The following BCL6 variants were observed in gnomAD, a reference collection of about 807,000 sequenced individuals.
BCL6 encodes the protein BCL6 transcription repressor, also known as B-cell lymphoma 6 protein.
In BCL6, 7 loss-of-function variants were observed where a neutral mutation model predicts 59.5. The observed-to-expected ratio is 0.12, with a 90% CI of 0.07 to 0.22. The LOEUF (loss-of-function observed/expected upper bound fraction) is 0.22, where lower values mean the gene tolerates loss of function less well. Among genes scored for constraint, BCL6 ranks in the 10% least tolerant of loss-of-function variants. The probability of loss-of-function intolerance (pLI) is 1.00; values close to 1 mark genes in which losing one functional copy is unlikely to be tolerated. For synonymous variants in BCL6, 339 were observed against 349.7 expected, an observed-to-expected ratio of 0.97 and a Z score of 0.34; for missense variants, 685 against 939.4, an observed-to-expected ratio of 0.73 and a Z score of 3.54.
At chr3:187,727,324 T>C (rs1718761744) in intron 6 of BCL6, among the ~76,000 whole-genome samples, 1 of 152,220 alleles carries the variant, frequency 6.6e-6, no homozygotes, top group South Asian at 2.1e-4. Flanking sequence ...TATCTCTGTC[T>C]TCAAAGTCAG....
chr3:187,722,176 G>A lies in BCL6; in HGVS notation c.*282C>T, dbSNP rs1718452847. On this transcript the variant is annotated 3_prime_UTR_variant, in exon 10 of 10. Coordinates refer to ENST00000406870, the MANE Select transcript of BCL6 (RefSeq NM_001706.5). Reference sequence around the variant, plus strand: ...GAACTTTTGCATACTCCCCTGCTTTGACATATAAAATGATTTTGCTTTTTG... The same window carrying A: ...GAACTTTTGCATACTCCCCTGCTTTAACATATAAAATGATTTTGCTTTTTG... 1 of 326,746 alleles carries A rather than the reference G, an allele frequency of 3.1e-6. No individual in the cohort carries two copies. The highest frequency in any genetic ancestry group is 5.6e-6 in the Non-Finnish European group (1 of 179,566). 20.2% of individuals were successfully genotyped at this position (326,746 alleles called of 1,614,324 possible).
At position 187,722,304 on chromosome 3, in the gene BCL6, G is replaced by GGCCCGGGCCC; in HGVS notation, c.*153_*154insGGGCCCGGGC. 1 of 309,312 alleles carries GGCCCGGGCCC rather than the reference G, an allele frequency of 3.2e-6. No homozygotes were observed. Among genetic ancestry groups the GGCCCGGGCCC allele is most frequent in the Non-Finnish European group, 5.9e-6 (1 of 169,636 alleles). The allele number at this position is 309,312 out of a possible 1,614,324, so 19.2% of individuals were successfully genotyped here. A position where few individuals can be genotyped will look rare whatever the true frequency, so the allele number is the denominator to read the frequency against. On this transcript the variant is annotated 3_prime_UTR_variant, in exon 10 of 10. Coordinates refer to ENST00000406870, the MANE Select transcript of BCL6 (RefSeq NM_001706.5). ...GCTGCTGCGGCTCCCAGTCCCCCAG[G>GGCCCGGGCCC]CCCCGACCCCCACCACCCCCAACCC... is the stretch of plus-strand genomic sequence containing the variant.
chr3:187,723,003 T>C (rs1560145859), intron 9 of BCL6, among the ~76,000 whole-genome samples: 2 of 152,248 alleles, frequency 1.3e-5, no homozygotes, highest in African/African-American at 4.8e-5. Flanking sequence ...CAGCCCTCCG[T>C]GTGCATGGAT....
Position 187,745,438 on chromosome 3 carries a change from T to G in BCL6, c.-78A>C. The G allele has an allele frequency of 2.5e-6, 1 of 399,702 alleles. No individual in the cohort carries two copies. The allele number at this position is 399,702 out of a possible 1,614,324, so 24.8% of individuals were successfully genotyped here. A position where few individuals can be genotyped will look rare whatever the true frequency, so the allele number is the denominator to read the frequency against. On this transcript the variant is annotated 5_prime_UTR_variant, in exon 1 of 10. Coordinates refer to ENST00000406870, the MANE Select transcript of BCL6 (RefSeq NM_001706.5). ...GTGTCCGGCCTTTCCTAGAAACTTC[T>G]TGCATCACCACTTCTAAGAACCCCA...
chr3:187,730,394 A>C (rs1437291863), intron 4 of BCL6, among the ~76,000 whole-genome samples: 5 of 152,266 alleles, frequency 3.3e-5, no homozygotes. Flanking sequence ...CCCATGCAAA[A>C]TCCTGAAAGG....
chr3:187,744,906 G>A (rs745980145), intron 1 of BCL6, among the ~76,000 whole-genome samples: 6 of 152,220 alleles, frequency 3.9e-5, no homozygotes, highest in South Asian at 4.2e-4. Context: ...GCAGCAGAAA[G>A]AGCGAGAGCG....
intron 7 of BCL6, 89 bp downstream of exon 7, chr3:187,726,642 C>T: frequency 3.9e-6 from 6 of 1,538,022 alleles, no homozygotes; most frequent in Non-Finnish European, 4.4e-6. Context: ...CACCAGGTCT[C>T]CAGGCCCCAC....
At position 187,733,506 on chromosome 3, in the gene BCL6, C is replaced by A. The variant is rs903031351; in HGVS notation, c.161+27G>T. The A allele has an allele frequency of 5.6e-6, 9 of 1,607,950 alleles. No individual in the cohort carries two copies. The African/African-American group carries it at 1.1e-4, about 19-fold the overall frequency. On this transcript the variant is annotated intron_variant, in intron 3 of 9. Transcript: ENST00000406870. Reference sequence around the variant, plus strand: ...AGCACCATCACCCCACTTTGACTTACCCACCCTTTCCTTTCAGATCCCTCA... The same window carrying A: ...AGCACCATCACCCCACTTTGACTTAACCACCCTTTCCTTTCAGATCCCTCA...
intron 1 of BCL6, chr3:187,737,556 GC>G (rs1289310342): frequency 6.6e-6 from 1 of 152,442 alleles, no homozygotes; most frequent in Non-Finnish European, 1.5e-5. Context: ...GCCGGGGCAA[GC>G]CTAGGCAGAC....
At chr3:187,733,183 A>G (rs1719128571) in intron 3 of BCL6, among the ~76,000 whole-genome samples, 1 of 152,202 alleles carries the variant, frequency 6.6e-6, no homozygotes, top group African/African-American at 2.4e-5. Flanking sequence ...TAACTTGCTT[A>G]AGCTACTTAA....
At chr3:187,733,442 G>T (rs1390092189) in intron 3 of BCL6, 91 bp downstream of exon 3, 2 of 1,434,628 alleles carry the variant, frequency 1.4e-6, no homozygotes, top group African/African-American at 1.4e-5. Flanking sequence ...CATCCCAGAT[G>T]CAGTAAAAGG....
intron 7 of BCL6, among the ~76,000 whole-genome samples, chr3:187,726,004 C>T (rs1408455033): frequency 1.3e-5 from 2 of 152,228 alleles, no homozygotes; most frequent in Admixed American, 6.5e-5. Context: ...GCCTCAGTTT[C>T]CCTCTCTGGA....
chr3:187,742,284 G>A (rs1711634954), intron 1 of BCL6, among the ~76,000 whole-genome samples: 2 of 152,140 alleles, frequency 1.3e-5, no homozygotes, highest in Admixed American at 6.5e-5. Flanking sequence ...AGGGGATAGA[G>A]GGAAGGAAGG....
intron 6 of BCL6, among the ~76,000 whole-genome samples, chr3:187,727,451 T>C (rs1718771288): frequency 6.6e-6 from 1 of 152,232 alleles, no homozygotes. Context: ...TTGAGGTCAC[T>C]GAAGGAGGAA....
At chr3:187,734,513 T>G (rs914619945) in intron 2 of BCL6, 1 of 152,246 alleles carries the variant, frequency 6.6e-6, no homozygotes, top group Non-Finnish European at 1.5e-5. Context: ...CTCTCAAAAC[T>G]CATAGCTATT....
chr3:187,726,978 T>C (rs1718738206), intron 6 of BCL6, 80 bp from the exon 7 acceptor site: 2 of 1,499,008 alleles, frequency 1.3e-6, no homozygotes, highest in Non-Finnish European at 1.8e-6. Context: ...CCTCTGTAGC[T>C]ACCCCTTGTG....
intron 6 of BCL6, among the ~76,000 whole-genome samples, chr3:187,727,994 C>T (rs543999388): frequency 6.6e-6 from 1 of 152,314 alleles, no homozygotes; most frequent in South Asian, 2.1e-4. Flanking sequence ...ACAGAATGTA[C>T]AGCCTGGCAG....
chr3:187,743,074 G>C (rs1184399202), intron 1 of BCL6, among the ~76,000 whole-genome samples: 1 of 151,610 alleles, frequency 6.6e-6, no homozygotes, highest in Non-Finnish European at 1.5e-5. Flanking sequence ...CAAAGAAAAA[G>C]GGAAACTGGC....
chr3:187,744,921 C>G (rs1711841357), intron 1 of BCL6, among the ~76,000 whole-genome samples: 2 of 152,134 alleles, frequency 1.3e-5, no homozygotes, highest in African/African-American at 2.4e-5. Context: ...AGAGCGCGAG[C>G]GCGCGTCCTC....
Sources: allele counts gnomAD v4.1 joint callset (sites outside exome capture counted in the v4.1 genomes callset), GRCh38; gene constraint gnomAD v4.1.1; transcripts MANE v1.5; gene names NCBI Gene and HGNC (gene_info 2026-07-23, HGNC 2026-07-21).